The following MSRB3 variants were observed in gnomAD, a reference collection of about 807,000 sequenced individuals.
MSRB3 encodes methionine sulfoxide reductase B3.
Under a neutral mutation model 21.0 loss-of-function variants are expected in MSRB3, and 13 were observed. The ratio of observed to expected loss-of-function variants is 0.62; its 90% CI spans 0.40 to 0.98. The LOEUF is 0.98. Ranked by LOEUF, MSRB3 falls within the 50% of genes least tolerant of loss-of-function variation. The pLI is 0.00. For missense variants in MSRB3, 199 were observed against 230.3 expected (o/e 0.86, Z 0.88); for synonymous variants, 87 against 88.6 (o/e 0.98, Z 0.10).
intron 1 of MSRB3, chr12:65,306,810 G>A (rs1306486844): frequency 3.1e-6 from 3 of 970,328 alleles, no homozygotes; most frequent in Non-Finnish European, 3.7e-6. Flanking sequence ...CGGTATTTGT[G>A]GCCCTCAGGT....
chr12:65,378,979 A>G (rs1339626006), intron 5 of MSRB3, among the ~76,000 whole-genome samples: 1 of 152,238 alleles, frequency 6.6e-6, no homozygotes, highest in African/African-American at 2.4e-5. Flanking sequence ...CTAAAGCTAG[A>G]TATCTTTGAG....
chr12:65,286,169 T>C (rs1339664533), intron 1 of MSRB3: 1 of 152,250 alleles, frequency 6.6e-6, no homozygotes, highest in African/African-American at 2.4e-5. Flanking sequence ...ATAGAGTCTA[T>C]GGACACTTGA....
chr12:65,330,811 A>G (rs1319683685), intron 4 of MSRB3, among the ~76,000 whole-genome samples: 2 of 152,206 alleles, frequency 1.3e-5, no homozygotes, highest in African/African-American at 4.8e-5. Flanking sequence ...GGCACAGCAC[A>G]GTCCACCTCC....
At position 65,286,470 on chromosome 12, in the gene MSRB3, A is replaced by G. The variant is rs953444943; in HGVS notation, c.-52+7605A>G. 20 of 152,318 alleles carry G rather than the reference A, an allele frequency of 1.3e-4. No individual in the cohort carries two copies. In the East Asian group the frequency reaches 3.5e-3, roughly 26 times the overall value. The allele number at this position is 152,318 out of a possible 1,614,324, so 9.4% of individuals were successfully genotyped here. On this transcript the variant is annotated intron_variant, in intron 1 of 6. Coordinates refer to ENST00000308259, the MANE Select transcript of MSRB3 (RefSeq NM_001031679.3). ...CTTTTTAAAAATTATATTTTTAGGTATATGAGCATTGTTGTTGGGACTACA... is the reference window on the plus strand; with the variant it reads ...CTTTTTAAAAATTATATTTTTAGGTGTATGAGCATTGTTGTTGGGACTACA...
intron 1 of MSRB3, among the ~76,000 whole-genome samples, chr12:65,289,768 A>T (rs528947016): frequency 4.3e-4 from 65 of 152,190 alleles, no homozygotes; most frequent in African/African-American, 1.5e-3. Flanking sequence ...CTAGATGTTT[A>T]GCTCCCACTT....
chr12:65,311,113 A>T (rs1236330428), intron 2 of MSRB3, among the ~76,000 whole-genome samples: 2 of 152,092 alleles, frequency 1.3e-5, no homozygotes, highest in Non-Finnish European at 2.9e-5. Context: ...TTTTACTTTC[A>T]TGGGACTCAC....
intron 5 of MSRB3, among the ~76,000 whole-genome samples, chr12:65,422,155 G>A (rs1472293042): frequency 6.6e-6 from 1 of 151,652 alleles, no homozygotes; most frequent in Non-Finnish European, 1.5e-5. Context: ...TAATGGCAAA[G>A]GGCTCAATTC....
intron 5 of MSRB3, among the ~76,000 whole-genome samples, chr12:65,442,313 G>T (rs532922609): frequency 6.6e-6 from 1 of 151,960 alleles, no homozygotes; most frequent in Non-Finnish European, 1.5e-5. Flanking sequence ...ATTTATGAGA[G>T]GAATTACTCT....
At chr12:65,378,233 T>C (rs1878742566) in intron 5 of MSRB3, among the ~76,000 whole-genome samples, 1 of 152,168 alleles carries the variant, frequency 6.6e-6, no homozygotes, top group Non-Finnish European at 1.5e-5. Flanking sequence ...AATTACATTA[T>C]CTAACCTGAA....
chr12:65,322,099 T>G (rs1874706671), intron 2 of MSRB3, among the ~76,000 whole-genome samples: 1 of 152,198 alleles, frequency 6.6e-6, no homozygotes, highest in Non-Finnish European at 1.5e-5. Flanking sequence ...AGATCTAATT[T>G]ACTTCTTAAT....
chr12:65,286,161 A>G (rs894760027), intron 1 of MSRB3: 8 of 152,228 alleles, frequency 5.3e-5, no homozygotes, highest in Admixed American at 3.3e-4. Flanking sequence ...TATGACTTAT[A>G]GAGTCTATGG....
intron 4 of MSRB3, among the ~76,000 whole-genome samples, chr12:65,330,062 G>A (rs990921819): frequency 6.6e-6 from 1 of 152,214 alleles, no homozygotes; most frequent in African/African-American, 2.4e-5. Flanking sequence ...TGTTAAACTT[G>A]TTAATATCCC....
chr12:65,420,526 A>G (rs1881236265), intron 5 of MSRB3, among the ~76,000 whole-genome samples: 1 of 152,022 alleles, frequency 6.6e-6, no homozygotes, highest in South Asian at 2.1e-4. Context: ...TTTGTTATAT[A>G]GGTAAACTCA....
At chr12:65,308,423 T>C in intron 1 of MSRB3, 106 bp from the exon 2 acceptor site, 1 of 1,415,980 alleles carries the variant, frequency 7.1e-7, no homozygotes, top group Non-Finnish European at 9.7e-7. Context: ...AGTATGTGCA[T>C]GTGTTCAGTT....
intron 5 of MSRB3, among the ~76,000 whole-genome samples, chr12:65,416,986 C>A (rs1454177591): frequency 6.6e-6 from 1 of 152,124 alleles, no homozygotes; most frequent in Admixed American, 6.5e-5. Flanking sequence ...CCTGCTCAGA[C>A]AACACAAGCA....
intron 5 of MSRB3, among the ~76,000 whole-genome samples, chr12:65,434,825 G>A (rs1448907248): frequency 6.6e-6 from 1 of 151,836 alleles, no homozygotes; most frequent in African/African-American, 2.4e-5. Flanking sequence ...TATATCATTT[G>A]GTCTTTGTAA....
intron 5 of MSRB3, among the ~76,000 whole-genome samples, chr12:65,412,127 A>G (rs955234315): frequency 5.3e-5 from 8 of 152,142 alleles, no homozygotes; most frequent in African/African-American, 1.9e-4. Context: ...TTTTAATTTC[A>G]TAGTTATTTC....
Position 65,308,461 on chromosome 12 carries a change from G to T in MSRB3, c.-51-68G>T, listed in dbSNP as rs1873786205. 3 of 1,562,810 alleles carry T rather than the reference G, an allele frequency of 1.9e-6. No individual in the cohort carries two copies. The African/African-American group carries it at 4.1e-5, about 21-fold the overall frequency. ...AGATAAAACTGTAACCATCAGTTGTGCAATGAATGTGTTTAATATTTGTGA... is the reference window on the plus strand; with the variant it reads ...AGATAAAACTGTAACCATCAGTTGTTCAATGAATGTGTTTAATATTTGTGA... On this transcript the variant is annotated intron_variant, in intron 1 of 6. Coordinates refer to ENST00000308259, the MANE Select transcript of MSRB3 (RefSeq NM_001031679.3).
chr12:65,432,150 A>C (rs1382090271), intron 5 of MSRB3, among the ~76,000 whole-genome samples: 3 of 151,954 alleles, frequency 2.0e-5, no homozygotes, highest in Non-Finnish European at 4.4e-5. Flanking sequence ...ACACAAAGGA[A>C]TACACCAAGT....
Sources: allele counts gnomAD v4.1 joint callset (sites outside exome capture counted in the v4.1 genomes callset), GRCh38; gene constraint gnomAD v4.1.1; transcripts MANE v1.5; gene names NCBI Gene and HGNC (gene_info 2026-07-23, HGNC 2026-07-21).